MYT1: variants seen among roughly 807,000 people sequenced by gnomAD.
The protein encoded by MYT1 is myelin transcription factor 1.
A neutral mutation model predicts 123.0 loss-of-function variants in MYT1; 23 were observed. The ratio of observed to expected loss-of-function variants is 0.19; its 90% CI spans 0.13 to 0.26. The LOEUF is 0.26. Among genes scored for constraint, MYT1 ranks in the 10% least tolerant of loss-of-function variants. MYT1 has a pLI of 1.00. For synonymous variants in MYT1, 518 were observed against 575.3 expected (o/e 0.90, Z 1.43); for missense variants, 1,125 against 1,472.5 (o/e 0.76, Z 3.86).
intron 10 of MYT1, among the ~76,000 whole-genome samples, chr20:64,215,834 A>G (rs1395344263): frequency 6.6e-6 from 1 of 151,732 alleles, no homozygotes; most frequent in African/African-American, 2.4e-5. Flanking sequence ...CCTGGCTTCA[A>G]CAGACCTGCC....
In MYT1 at chr20:64,211,282, G is replaced by C. The variant is rs1983657425; in HGVS notation, c.1368G>C (p.Leu456Phe). The C allele has an allele frequency of 6.2e-7, 1 of 1,613,976 alleles. No homozygotes were observed. Reference protein sequence around the residue: ...GCDGTGHVTGLYPHHRSLSGC... With the variant: ...GCDGTGHVTGFYPHHRSLSGC... ...ATGGCACTGGCCACGTTACCGGGTT[G>C]TACCCTCACCACCGCAGCCTTTCTG... Residue 456 changes from leucine to phenylalanine, a missense_variant, in exon 8 of 23, where the codon TTG (leucine) becomes TTC (phenylalanine). By Grantham distance (22) the Leu-to-Phe change is conservative. This residue lies in a region of MYT1 where 429 missense variants were observed against 604.1 expected (regional missense o/e 0.71). Coordinates refer to ENST00000328439, the MANE Select transcript of MYT1 (RefSeq NM_004535.3).
chr20:64,219,949 G>A lies in MYT1; in HGVS notation c.2208G>A (p.Lys736=), dbSNP rs1983954192. 1 of 1,526,844 alleles carries A rather than the reference G, an allele frequency of 6.5e-7. No homozygotes were observed. The highest frequency in any genetic ancestry group is 8.8e-7 in the Non-Finnish European group (1 of 1,133,418). 94.6% of individuals were successfully genotyped at this position (1,526,844 alleles called of 1,614,324 possible). Residue 736 remains lysine (K), a synonymous_variant, in exon 13 of 23, where the codon AAG becomes AAA. Coordinates refer to ENST00000328439, the MANE Select transcript of MYT1 (RefSeq NM_004535.3). ...GGGACCGGCCCCTGGACTACACCAAGCCTAGCCGCCTGAGAGAGGAGGAAC... is the reference window on the plus strand; with the variant it reads ...GGGACCGGCCCCTGGACTACACCAAACCTAGCCGCCTGAGAGAGGAGGAAC... ...DEWDRPLDYT[K]PSRLREEEPE...
At chr20:64,205,128 C>T in intron 5 of MYT1, 31 bp downstream of exon 5, 1 of 1,611,670 alleles carries the variant, frequency 6.2e-7, no homozygotes, top group Admixed American at 1.7e-5. Flanking sequence ...CACGGAGATT[C>T]CTGGGCGGTA....
rs1282464216 is a variant in MYT1 at position 64,190,758 on chromosome 20, C to T, written c.-1+598C>T. On this transcript the variant is annotated intron_variant, in intron 2 of 22. Coordinates refer to ENST00000328439, the MANE Select transcript of MYT1 (RefSeq NM_004535.3). The surrounding 1 kb of genome is among the most constrained non-coding windows in gnomAD (Gnocchi z 4.1). ...CTGAGGCAGGTGGATCACTTGAGGT[C>T]AAGAGTTCAAGACCAGCCTGGCCAA... Among the ~76,000 whole-genome samples the T allele has an allele frequency of 6.7e-6, 1 of 148,982 alleles. No individual in the cohort carries two copies.
rs377135585 is a variant in MYT1 at position 64,232,234 on chromosome 20, G to A, written c.2746G>A (p.Gly916Ser). The A allele has an allele frequency of 6.2e-6, 10 of 1,613,188 alleles. No individual in the cohort carries two copies. Among genetic ancestry groups the A allele is most frequent in the Non-Finnish European group, 8.5e-6 (10 of 1,180,010 alleles). The change falls in exon 19 of 23, where the codon GGC (glycine) becomes AGC (serine). Residue 916 changes from glycine (G) to serine (S), a missense_variant. Transcript: ENST00000328439. This position sits in a 1 kb window ranked among gnomAD's most constrained non-coding sequence, Gnocchi z 6.9. ...ATACGCCTCTCACAGGAGCGCATCC[G>A]GCTGCCCACTGGCCGCCCGCAGGCA... ...GKYASHRSAS[G>S]CPLAARRQKE...
rs1380550361 is a variant in MYT1 at position 64,189,668 on chromosome 20, G to T, written c.-98-395G>T. Reference sequence around the variant, plus strand: ...ATTCTTTTGAGGGGCAGAAGGATCTGGTTGTAATGCGAATAATTACTCATT... The same window carrying T: ...ATTCTTTTGAGGGGCAGAAGGATCTTGTTGTAATGCGAATAATTACTCATT... On this transcript the variant is annotated intron_variant, in intron 1 of 22. Transcript: ENST00000328439. This position sits in a 1 kb window ranked among gnomAD's most constrained non-coding sequence, Gnocchi z 5.5. 7.9e-5 allele frequency among the ~76,000 whole-genome samples: 12 copies of T among 152,234 alleles called. No homozygotes were observed. Among genetic ancestry groups the T allele is most frequent in the Non-Finnish European group, 1.3e-4 (9 of 68,050 alleles).
At chr20:64,228,802 G>A (rs1029680700) in intron 18 of MYT1, among the ~76,000 whole-genome samples, 16 of 152,236 alleles carry the variant, frequency 1.1e-4, no homozygotes, top group Non-Finnish European at 1.9e-4. Context: ...CTGGCAAAAT[G>A]GGCAGTGGGT....
intron 1 of MYT1, among the ~76,000 whole-genome samples, chr20:64,180,114 C>A (rs993680487): frequency 6.6e-6 from 1 of 151,248 alleles, no homozygotes; most frequent in African/African-American, 2.4e-5. Flanking sequence ...TACACACACG[C>A]TACACACAGT....
At chr20:64,194,115 C>T (rs1983039133) in intron 2 of MYT1, among the ~76,000 whole-genome samples, 1 of 152,192 alleles carries the variant, frequency 6.6e-6, no homozygotes, top group Non-Finnish European at 1.5e-5. Context: ...ATCCACCCAT[C>T]CTTAAATGAC....
Position 64,208,519 on chromosome 20 carries a change from C to T in MYT1, c.1291+32C>T, listed in dbSNP as rs781624829. The T allele has an allele frequency of 1.3e-6, 2 of 1,552,510 alleles. No homozygotes were observed. The highest frequency in any genetic ancestry group is 1.7e-6 in the Non-Finnish European group (2 of 1,146,680). On this transcript the variant is annotated intron_variant, in intron 7 of 22. Transcript: ENST00000328439. The surrounding 1 kb of genome is among the most constrained non-coding windows in gnomAD (Gnocchi z 5.4). ...CTCAGGGGTGGCCTGGCCCTGCAGA[C>T]TCATCCTTTCACCCCTGCCCCAGGT...
intron 13 of MYT1, 106 bp from the exon 14 acceptor site, chr20:64,221,787 C>G: frequency 8.5e-7 from 1 of 1,179,982 alleles, no homozygotes; most frequent in Non-Finnish European, 1.2e-6. Flanking sequence ...CCGGGAGATG[C>G]TTCTGTGGAC....
rs965598870 is a variant in MYT1, at chr20:64,166,642, T to G, written c.-99+1903T>G. Among the ~76,000 whole-genome samples the G allele has an allele frequency of 6.6e-6, 1 of 152,232 alleles. No homozygotes were observed. Among genetic ancestry groups the G allele is most frequent in the Non-Finnish European group, 1.5e-5 (1 of 68,030 alleles). On this transcript the variant is annotated intron_variant, in intron 1 of 22. Coordinates refer to ENST00000328439, the MANE Select transcript of MYT1 (RefSeq NM_004535.3). The surrounding 1 kb of genome is among the most constrained non-coding windows in gnomAD (Gnocchi z 4.9). ...CCCACAGATCTGGAGGTAGCCTCAG[T>G]TGTTCAGAGCTAATGCTCTGGCCCC...
chr20:64,201,370 A>G (rs557202384), intron 4 of MYT1, among the ~76,000 whole-genome samples: 5 of 152,344 alleles, frequency 3.3e-5, no homozygotes, highest in Admixed American at 1.3e-4. Context: ...ATATTTGGTA[A>G]TAGTGAGACC....
rs41279346 is a variant in MYT1 at position 64,213,763 on chromosome 20, G to A, written c.1631+116G>A. The A allele has an allele frequency of 1.4e-3, 1,161 of 818,796 alleles. 2 individuals carry two copies. Among genetic ancestry groups the A allele is most frequent in the Non-Finnish European group, 1.9e-3 (952 of 503,118 alleles). The allele number at this position is 818,796 out of a possible 1,614,324, so 50.7% of individuals were successfully genotyped here. On this transcript the variant is annotated intron_variant, in intron 10 of 22. Coordinates refer to ENST00000328439, the MANE Select transcript of MYT1 (RefSeq NM_004535.3). The surrounding 1 kb of genome is among the most constrained non-coding windows in gnomAD (Gnocchi z 5.6). Reference sequence around the variant, plus strand: ...TGTGAGTGCATGTGTGTGAGTGTACGTGCATGTGAGTGTACGTGCATGTGA... The same window carrying A: ...TGTGAGTGCATGTGTGTGAGTGTACATGCATGTGAGTGTACGTGCATGTGA...
rs1983710647 is a variant in MYT1, at chr20:64,212,505, C to T, written c.1517+367C>T. Among the ~76,000 whole-genome samples, 3 of 152,282 alleles carry T rather than the reference C, an allele frequency of 2.0e-5. No homozygotes were observed. Among genetic ancestry groups the T allele is most frequent in the Admixed American group, 6.5e-5 (1 of 15,294 alleles). ...CAGTGGTGTTGCTGCCTTAACCCTA[C>T]GAGCTCCCGAGAGAGCAGGGGGCGG... On this transcript the variant is annotated intron_variant, in intron 9 of 22. Coordinates refer to ENST00000328439, the MANE Select transcript of MYT1 (RefSeq NM_004535.3). This position sits in a 1 kb window ranked among gnomAD's most constrained non-coding sequence, Gnocchi z 6.8.
chr20:64,207,562 C>G (rs760497694), intron 6 of MYT1, 32 bp from the exon 7 acceptor site: 1 of 1,595,260 alleles, frequency 6.3e-7, no homozygotes, highest in South Asian at 1.1e-5. Context: ...CACGTGCTCT[C>G]TGGCCCCCAC....
intron 1 of MYT1, among the ~76,000 whole-genome samples, chr20:64,178,383 C>A (rs1026746110): frequency 1.6e-4 from 25 of 152,354 alleles, no homozygotes; most frequent in Admixed American, 4.6e-4. Context: ...TTCAGAACCA[C>A]GTGCTGTGCG....
At position 64,213,792 on chromosome 20, in the gene MYT1, TGC is replaced by T; in HGVS notation, c.1631+146_1631+147del. On this transcript the variant is annotated intron_variant, in intron 10 of 22. Transcript: ENST00000328439. The surrounding 1 kb of genome is among the most constrained non-coding windows in gnomAD (Gnocchi z 5.6). ...ATGTGAGTGTACGTGCATGTGAGTG[TGC>T]ACATGCCCCGGGCCCCCCAGGAGCA... The T allele has an allele frequency of 2.8e-6, 2 of 708,034 alleles. No individual in the cohort carries two copies. Among genetic ancestry groups the T allele is most frequent in the Non-Finnish European group, 2.4e-6 (1 of 420,572 alleles). 43.9% of individuals were successfully genotyped at this position (708,034 alleles called of 1,614,324 possible).
intron 8 of MYT1, 104 bp downstream of exon 8, chr20:64,211,444 C>A (rs1983662053): frequency 1.6e-6 from 2 of 1,238,762 alleles, no homozygotes; most frequent in Non-Finnish European, 2.2e-6. Flanking sequence ...AGGGCCATAA[C>A]CTTCCCCTTT....
Sources: allele counts gnomAD v4.1 joint callset (sites outside exome capture counted in the v4.1 genomes callset), GRCh38; gene constraint gnomAD v4.1.1; regional missense constraint gnomAD v4.1.1; non-coding constraint Gnocchi (gnomAD v3.1); transcripts MANE v1.5; gene names NCBI Gene and HGNC (gene_info 2026-07-23, HGNC 2026-07-21).